The following CNKSR2 variants were observed in gnomAD, a reference collection of about 807,000 sequenced individuals.
The protein encoded by CNKSR2 is CNK homolog protein 2.
Under a neutral mutation model 84.4 loss-of-function variants are expected in CNKSR2, and 14 were observed. The observed-to-expected ratio is 0.17, with a 90% CI of 0.11 to 0.26. The LOEUF (loss-of-function observed/expected upper bound fraction) is 0.26, where lower values mean the gene tolerates loss of function less well. CNKSR2 is among the 10% of genes least tolerant of loss of function. CNKSR2 has a pLI of 1.00. For synonymous variants in CNKSR2, 275 were observed against 277.9 expected, an observed-to-expected ratio of 0.99 and a Z score of 0.10; for missense variants, 485 against 771.2, an observed-to-expected ratio of 0.63 and a Z score of 4.40.
Position 21,503,927 on chromosome X carries a change from A to G in CNKSR2, c.810+2339A>G, listed in dbSNP as rs754971859. The G allele has an allele frequency of 4.5e-5, 5 of 111,485 alleles. No individual in the cohort carries two copies. The South Asian group carries it at 1.5e-3, about 33-fold the overall frequency. The allele number at this position is 111,485 out of a possible 1,213,427, so 9.2% of individuals were successfully genotyped here. A position where few individuals can be genotyped will look rare whatever the true frequency, so the allele number is the denominator to read the frequency against. The stretch of plus-strand genomic sequence containing the variant: ...TTTACCTGCTACAACAGTTGGACCA[A>G]TTGGAATCCTCCTTCTTGGCATACT... On this transcript the variant is annotated intron_variant, in intron 8 of 21. Transcript: ENST00000379510.
intron 13 of CNKSR2, among the ~76,000 whole-genome samples, chrX:21,576,018 A>C (rs1207855293): frequency 8.9e-6 from 1 of 112,039 alleles, no homozygotes; most frequent in African/African-American, 3.2e-5. Context: ...TCCATCTCTC[A>C]ATAATTCATA....
intron 20 of CNKSR2, among the ~76,000 whole-genome samples, chrX:21,616,217 T>C (rs1252561571): frequency 9.0e-6 from 1 of 111,028 alleles, no homozygotes; most frequent in African/African-American, 3.3e-5. Context: ...GAGTATAATA[T>C]TAAATATTGT....
At chrX:21,630,096 G>A (rs2092641079) in intron 20 of CNKSR2, among the ~76,000 whole-genome samples, 1 of 111,687 alleles carries the variant, frequency 9.0e-6, no homozygotes, top group Non-Finnish European at 1.9e-5. Context: ...CTCTTCTTAT[G>A]TTTTCTATAG....
At chrX:21,579,921 C>T (rs886560462) in intron 13 of CNKSR2, among the ~76,000 whole-genome samples, 3 of 111,865 alleles carry the variant, frequency 2.7e-5, no homozygotes, top group African/African-American at 6.5e-5. Flanking sequence ...ATTTTTTATA[C>T]TGAGATTGCG....
At chrX:21,581,959 A>G (rs2092356094) in intron 13 of CNKSR2, among the ~76,000 whole-genome samples, 1 of 112,007 alleles carries the variant, frequency 8.9e-6, no homozygotes, top group South Asian at 3.7e-4. Context: ...AGAATTAGTC[A>G]AAAGGCAGGC....
chrX:21,534,546 C>T (rs2091911454), intron 11 of CNKSR2, among the ~76,000 whole-genome samples: 1 of 110,242 alleles, frequency 9.1e-6, no homozygotes, highest in African/African-American at 3.3e-5. Flanking sequence ...AATTTACATT[C>T]TCATCAATAT....
At chrX:21,603,681 A>T (rs1207171831) in intron 18 of CNKSR2, among the ~76,000 whole-genome samples, 1 of 112,515 alleles carries the variant, frequency 8.9e-6, no homozygotes, top group African/African-American at 3.2e-5. Context: ...AGCTGCCAAG[A>T]TAGCAATTTG....
chrX:21,584,481 A>G (rs774904773), intron 13 of CNKSR2, among the ~76,000 whole-genome samples: 2 of 112,594 alleles, frequency 1.8e-5, no homozygotes, highest in Non-Finnish European at 3.8e-5. Flanking sequence ...GATAAACAAG[A>G]AATATAAATA....
chrX:21,516,392 C>CCTTTTT, intron 8 of CNKSR2, 93 bp from the exon 9 acceptor site: 1 of 834,819 alleles, frequency 1.2e-6, no homozygotes, highest in Admixed American at 3.4e-5. Flanking sequence ...AATTATGTGA[C>CCTTTTT]TTTTTTTTTT....
rs779457647 is a variant in CNKSR2 at position 21,377,784 on chromosome X, C to T, written c.64+2823C>T. Among the ~76,000 whole-genome samples, 3 of 110,766 alleles carry T rather than the reference C, an allele frequency of 2.7e-5. No homozygotes were observed. In the South Asian group the frequency reaches 1.1e-3, roughly 42 times the overall value. On this transcript the variant is annotated intron_variant, in intron 1 of 21. Transcript: ENST00000379510. ...ACAATTTGTAGAAGTGGTATAGAAA[C>T]TCAGTCCCAGAGAGGGAAATGAAGG...
chrX:21,550,043 G>T (rs1008930233), intron 11 of CNKSR2, among the ~76,000 whole-genome samples: 3 of 111,780 alleles, frequency 2.7e-5, no homozygotes, highest in African/African-American at 9.8e-5. Flanking sequence ...CAAAAGCAAT[G>T]GCAACAAAAG....
At chrX:21,402,622 T>C (rs900345112) in intron 1 of CNKSR2, among the ~76,000 whole-genome samples, 1 of 110,911 alleles carries the variant, frequency 9.0e-6, no homozygotes, top group Non-Finnish European at 1.9e-5. Context: ...AAATAGTAAA[T>C]AAATATTTTT....
intron 4 of CNKSR2, among the ~76,000 whole-genome samples, chrX:21,443,341 C>A (rs1300797751): frequency 9.0e-6 from 1 of 111,223 alleles, no homozygotes; most frequent in Non-Finnish European, 1.9e-5. Flanking sequence ...TCATGAGCTG[C>A]ATTTACAGTG....
intron 1 of CNKSR2, among the ~76,000 whole-genome samples, chrX:21,387,005 C>T (rs1298932103): frequency 1.8e-5 from 2 of 111,773 alleles, no homozygotes; most frequent in Non-Finnish European, 3.8e-5. Flanking sequence ...TTGTTGACAC[C>T]TTGTTTTAAA....
rs180979544 is a variant in CNKSR2, at chrX:21,652,272, C to T, written c.2890-34C>T. 4.7e-4 allele frequency: 517 copies of T among 1,096,717 alleles called. 3 individuals carry two copies. In the African/African-American group the frequency reaches 8.2e-3, roughly 17 times the overall value. The allele number at this position is 1,096,717 out of a possible 1,213,427, so 90.4% of individuals were successfully genotyped here. A position where few individuals can be genotyped will look rare whatever the true frequency, so the allele number is the denominator to read the frequency against. ...TTTTAAACTTGAATAAAACTTTGTCCCTGTCTTAATTGTTGAATCCTTTTT... is the reference window on the plus strand; with the variant it reads ...TTTTAAACTTGAATAAAACTTTGTCTCTGTCTTAATTGTTGAATCCTTTTT... On this transcript the variant is annotated intron_variant, in intron 21 of 21. Coordinates refer to ENST00000379510, the MANE Select transcript of CNKSR2 (RefSeq NM_014927.5).
Position 21,467,428 on chromosome X carries a change from C to T in CNKSR2, c.520-3338C>T, listed in dbSNP as rs974280752. Among the ~76,000 whole-genome samples the T allele has an allele frequency of 4.5e-5, 5 of 110,965 alleles. No individual in the cohort carries two copies. In the Admixed American group the frequency reaches 4.8e-4, roughly 11 times the overall value. On this transcript the variant is annotated intron_variant, in intron 4 of 21. Transcript: ENST00000379510. Reference sequence around the variant, plus strand: ...CCATTATTTTCTCTTTCTAAAGACCCACTGTTTCCAAGACCCAGTTAAAAG... The same window carrying T: ...CCATTATTTTCTCTTTCTAAAGACCTACTGTTTCCAAGACCCAGTTAAAAG...
chrX:21,467,796 A>G (rs2091148089), intron 4 of CNKSR2, among the ~76,000 whole-genome samples: 1 of 110,639 alleles, frequency 9.0e-6, no homozygotes, highest in Non-Finnish European at 1.9e-5. Context: ...GGGTCATGTC[A>G]AAATAGTTGA....
At chrX:21,595,213 C>A in intron 16 of CNKSR2, 111 bp from the exon 17 acceptor site, 1 of 664,046 alleles carries the variant, frequency 1.5e-6, no homozygotes, top group Non-Finnish European at 2.4e-6. Context: ...ATGATAGAAG[C>A]ATTATATATG....
intron 4 of CNKSR2, among the ~76,000 whole-genome samples, chrX:21,447,818 A>C (rs908035673): frequency 3.6e-5 from 4 of 111,740 alleles, no homozygotes; most frequent in African/African-American, 1.3e-4. Context: ...ATGATTACAG[A>C]AATTTAGAAA....
Sources: gnomAD v4.1 joint callset for allele counts (sites outside exome capture counted in the v4.1 genomes callset) on GRCh38, gnomAD v4.1.1 for gene constraint, MANE v1.5 for transcripts, NCBI Gene and HGNC (gene_info 2026-07-23, HGNC 2026-07-21) for gene names.